Variants in KCNJ4 observed in about 807,000 individuals in gnomAD.
KCNJ4 encodes potassium inwardly rectifying channel subfamily J member 4.
In KCNJ4, 3 loss-of-function variants were observed where a neutral mutation model predicts 25.6. That is an observed-to-expected ratio of 0.12 (90% CI 0.05 to 0.30). The LOEUF (loss-of-function observed/expected upper bound fraction) is 0.30, where lower values mean the gene tolerates loss of function less well. Ranked by LOEUF, KCNJ4 falls within the 10% of genes least tolerant of loss-of-function variation. The probability of loss-of-function intolerance (pLI) is 1.00; values close to 1 mark genes in which losing one functional copy is unlikely to be tolerated. For missense variants in KCNJ4, 286 were observed against 666.8 expected (o/e 0.43, Z 6.29); for synonymous variants, 257 against 283.9 (o/e 0.91, Z 0.95).
At position 38,426,622 on chromosome 22, in the gene KCNJ4, G is replaced by A; in HGVS notation, c.*173C>T. Reference sequence around the variant, plus strand: ...CTGATCGGGGCCGAGCTCTTCCCAGGCCTGGGTGCTGGAGTCAGGAGGAAG... The same window carrying A: ...CTGATCGGGGCCGAGCTCTTCCCAGACCTGGGTGCTGGAGTCAGGAGGAAG... On this transcript the variant is annotated 3_prime_UTR_variant, in exon 2 of 2. Coordinates refer to ENST00000303592, the MANE Select transcript of KCNJ4 (RefSeq NM_152868.3). 1.2e-6 allele frequency: 1 copy of A among 812,064 alleles called. No homozygotes were observed. Among genetic ancestry groups the A allele is most frequent in the South Asian group, 1.8e-5 (1 of 55,994 alleles). The allele number at this position is 812,064 out of a possible 1,614,324, so 50.3% of individuals were successfully genotyped here.
At chr22:38,429,940 C>A (rs1379884169) in intron 1 of KCNJ4, among the ~76,000 whole-genome samples, 1 of 152,224 alleles carries the variant, frequency 6.6e-6, no homozygotes, top group Non-Finnish European at 1.5e-5. Flanking sequence ...GTTGCCGCAG[C>A]AACCGGTACG....
At chr22:38,432,537 A>G (rs1446733880) in intron 1 of KCNJ4, among the ~76,000 whole-genome samples, 4 of 152,106 alleles carry the variant, frequency 2.6e-5, no homozygotes, top group Admixed American at 1.3e-4. Flanking sequence ...TCCTCCTCCA[A>G]TTAAGGGACT....
chr22:38,426,826 T>C lies in KCNJ4; in HGVS notation c.1307A>G (p.Asn436Ser). The C allele has an allele frequency of 1.2e-6, 2 of 1,612,884 alleles. No individual in the cohort carries two copies. The change falls in exon 2 of 2, where the codon AAC (asparagine) becomes AGC (serine). Residue 436 changes from asparagine (N) to serine (S), a missense_variant. Around this residue, in one of 11 missense-constraint regions of KCNJ4, gnomAD observed 77 missense variants for 97.6 expected, o/e 0.79. Transcript: ENST00000303592. The part of the protein sequence containing the change: ...ERMQASLPLD[N>S]ISYRRESAI ...GGCAGACTCCCTGCGGTAGGAGATG[T>C]TGTCCAGCGGGAGGGAAGCCTGCAT...
chr22:38,430,979 G>A (rs1443740842), intron 1 of KCNJ4, among the ~76,000 whole-genome samples: 4 of 152,238 alleles, frequency 2.6e-5, no homozygotes, highest in Non-Finnish European at 5.9e-5. Context: ...CCCTGCAGGG[G>A]GCTGGAGTGG....
chr22:38,446,428 A>G (rs1410132231), intron 1 of KCNJ4, among the ~76,000 whole-genome samples: 3 of 144,940 alleles, frequency 2.1e-5, no homozygotes, highest in African/African-American at 8.3e-5. Context: ...CGGGGCTGGC[A>G]CTCAGCCAGC....
chr22:38,450,832 G>T (rs1034393806), intron 1 of KCNJ4, among the ~76,000 whole-genome samples: 17 of 152,168 alleles, frequency 1.1e-4, no homozygotes, highest in Admixed American at 5.2e-4. Flanking sequence ...GATCCCTGAG[G>T]GGGTGTCACG....
At chr22:38,438,308 G>A (rs1230933811) in intron 1 of KCNJ4, among the ~76,000 whole-genome samples, 2 of 151,786 alleles carry the variant, frequency 1.3e-5, no homozygotes, top group East Asian at 1.9e-4. Flanking sequence ...GCTGAGGCAG[G>A]AGAATTGCTT....
chr22:38,441,005 G>A (rs141277252), intron 1 of KCNJ4, among the ~76,000 whole-genome samples: 3,592 of 152,270 alleles, frequency 0.024, 57 homozygotes, highest in South Asian at 0.067. Flanking sequence ...TGTGAGGGTG[G>A]GCGAGACTGG....
chr22:38,451,770 T>C (rs1248200044), intron 1 of KCNJ4, among the ~76,000 whole-genome samples: 1 of 150,546 alleles, frequency 6.6e-6, no homozygotes, highest in African/African-American at 2.5e-5. Flanking sequence ...TGTAAAACAA[T>C]GGCCCTGGCT....
intron 1 of KCNJ4, among the ~76,000 whole-genome samples, chr22:38,439,425 C>G (rs886314253): frequency 5.3e-5 from 8 of 152,000 alleles, no homozygotes; most frequent in Admixed American, 2.0e-4. Flanking sequence ...GAGTGAGACT[C>G]CGTCTCAAAT....
intron 1 of KCNJ4, among the ~76,000 whole-genome samples, chr22:38,429,131 C>T (rs983890186): frequency 1.3e-5 from 2 of 151,914 alleles, no homozygotes; most frequent in Non-Finnish European, 2.9e-5. Context: ...TACTGGGACC[C>T]GCAGCCCCAC....
In KCNJ4 at chr22:38,435,166, C is replaced by T. The variant is rs1320700168; in HGVS notation, c.-39-6995G>A. Among the ~76,000 whole-genome samples, 5 of 152,242 alleles carry T rather than the reference C, an allele frequency of 3.3e-5. No homozygotes were observed. In the East Asian group the frequency reaches 5.8e-4, roughly 18 times the overall value. ...AGGAGAGGTGGGAAAATGTACAAAA[C>T]GAGGCACCCAGACAGAGCTTGGAGT... On this transcript the variant is annotated intron_variant, in intron 1 of 1. Coordinates refer to ENST00000303592, the MANE Select transcript of KCNJ4 (RefSeq NM_152868.3).
chr22:38,442,590 A>G (rs1365471535), intron 1 of KCNJ4, among the ~76,000 whole-genome samples: 2 of 150,994 alleles, frequency 1.3e-5, no homozygotes, highest in Non-Finnish European at 2.9e-5. Flanking sequence ...GTCTGAGAAC[A>G]CTTCACCTAT....
chr22:38,432,526 G>T lies in KCNJ4; in HGVS notation c.-39-4355C>A, dbSNP rs549528056. On this transcript the variant is annotated intron_variant, in intron 1 of 1. Coordinates refer to ENST00000303592, the MANE Select transcript of KCNJ4 (RefSeq NM_152868.3). ...AAGTTCTTCCTCTCCCTGGCATCAG[G>T]TCCTCCTCCAATTAAGGGACTACTC... Among the ~76,000 whole-genome samples, 66 of 152,188 alleles carry T rather than the reference G, an allele frequency of 4.3e-4. 1 individual carries two copies. Among genetic ancestry groups the T allele is most frequent in the South Asian group, 3.1e-3 (15 of 4,822 alleles).
intron 1 of KCNJ4, among the ~76,000 whole-genome samples, chr22:38,439,774 C>CAA (rs112130946): frequency 2.3e-5 from 2 of 85,196 alleles, no homozygotes; most frequent in African/African-American, 4.2e-5. Context: ...GACTCCATCT[C>CAA]AAAAAAAAAA....
At chr22:38,436,319 C>A (rs1032062803) in intron 1 of KCNJ4, among the ~76,000 whole-genome samples, 1 of 152,208 alleles carries the variant, frequency 6.6e-6, no homozygotes, top group African/African-American at 2.4e-5. Context: ...CATCCCAGAG[C>A]CTGCCTGGGC....
intron 1 of KCNJ4, among the ~76,000 whole-genome samples, chr22:38,431,898 G>A (rs1386254217): frequency 3.3e-5 from 5 of 152,072 alleles, no homozygotes; most frequent in Non-Finnish European, 7.4e-5. Flanking sequence ...ACGATGGCAG[G>A]AGAGGGTCAA....
chr22:38,440,097 CAAA>C (rs1053336679), intron 1 of KCNJ4, among the ~76,000 whole-genome samples: 1 of 75,966 alleles, frequency 1.3e-5, no homozygotes. Context: ...GACTTCGTCT[CAAA>C]AAAAAAAAAA....
chr22:38,449,457 C>A lies in KCNJ4; in HGVS notation c.-40+5523G>T, dbSNP rs2089397148. Among the ~76,000 whole-genome samples the A allele has an allele frequency of 6.6e-6, 1 of 152,212 alleles. No individual in the cohort carries two copies. On this transcript the variant is annotated intron_variant, in intron 1 of 1. Coordinates refer to ENST00000303592, the MANE Select transcript of KCNJ4 (RefSeq NM_152868.3). The surrounding 1 kb of genome is among the most constrained non-coding windows in gnomAD (Gnocchi z 5.2). ...ACTCAGCTTCCCTCCTGCAGCAATA[C>A]CCTGAGAACACTGCTCTCACCCCAG...
Sources: allele counts gnomAD v4.1 joint callset (sites outside exome capture counted in the v4.1 genomes callset), GRCh38; gene constraint gnomAD v4.1.1; regional missense constraint gnomAD v4.1.1; non-coding constraint Gnocchi (gnomAD v3.1); transcripts MANE v1.5; gene names NCBI Gene and HGNC (gene_info 2026-07-23, HGNC 2026-07-21).